PRDM5: variants seen among roughly 807,000 people sequenced by gnomAD.
PRDM5 encodes the protein PR domain zinc finger protein 5.
A neutral mutation model predicts 81.2 loss-of-function variants in PRDM5; 56 were observed. The ratio of observed to expected loss-of-function variants is 0.69; its 90% confidence interval spans 0.56 to 0.86. The LOEUF (loss-of-function observed/expected upper bound fraction) is 0.86. Ranked by LOEUF, PRDM5 falls within the 40% of genes least tolerant of loss-of-function variation. The pLI is 0.00. For synonymous variants in PRDM5, 267 were observed against 256.4 expected, an observed-to-expected ratio of 1.04 and a Z score of -0.39; for missense variants, 697 against 770.1, an observed-to-expected ratio of 0.91 and a Z score of 1.12.
chr4:120,802,870 G>C (rs543465382), intron 8 of PRDM5, among the ~76,000 whole-genome samples: 2 of 152,196 alleles, frequency 1.3e-5, no homozygotes, highest in Non-Finnish European at 2.9e-5. Context: ...TGACTTTGAC[G>C]AGTTGAGAGA....
chr4:120,904,108 T>C (rs1765494814), intron 2 of PRDM5, among the ~76,000 whole-genome samples: 1 of 138,510 alleles, frequency 7.2e-6, no homozygotes, highest in African/African-American at 2.7e-5. Flanking sequence ...GAGAACCTCT[T>C]GAACCCAGGA....
intron 14 of PRDM5, among the ~76,000 whole-genome samples, chr4:120,739,514 T>C (rs1006829402): frequency 6.6e-6 from 1 of 152,178 alleles, no homozygotes; most frequent in Non-Finnish European, 1.5e-5. Context: ...TCACAGCCAA[T>C]GCCTCTAGTC....
At chr4:120,755,331 A>T (rs944589923) in intron 13 of PRDM5, among the ~76,000 whole-genome samples, 10 of 152,226 alleles carry the variant, frequency 6.6e-5, no homozygotes, top group African/African-American at 2.4e-4. Context: ...TCCAAAAGGG[A>T]TCTGAAGATG....
At chr4:120,806,771 T>C (rs552098297) in intron 8 of PRDM5, among the ~76,000 whole-genome samples, 26 of 152,264 alleles carry the variant, frequency 1.7e-4, no homozygotes, top group African/African-American at 6.3e-4. Context: ...GACAATACCA[T>C]TCAGGACATA....
chr4:120,790,735 T>C (rs1258888242), intron 10 of PRDM5, among the ~76,000 whole-genome samples: 1 of 152,092 alleles, frequency 6.6e-6, no homozygotes. Context: ...AAAATGGTAA[T>C]AGGATTTCAA....
chr4:120,801,187 C>T (rs1752071180), intron 8 of PRDM5, among the ~76,000 whole-genome samples: 1 of 152,198 alleles, frequency 6.6e-6, no homozygotes, highest in South Asian at 2.1e-4. Context: ...AGTAAACGCC[C>T]TTGTGCAAGA....
intron 13 of PRDM5, among the ~76,000 whole-genome samples, chr4:120,766,757 T>C (rs1226776551): frequency 2.0e-5 from 3 of 152,214 alleles, no homozygotes; most frequent in Non-Finnish European, 2.9e-5. Context: ...TGCACTTTGC[T>C]TGGCATTATT....
intron 13 of PRDM5, chr4:120,762,568 A>C (rs950052620): frequency 1.3e-5 from 2 of 152,144 alleles, no homozygotes; most frequent in Non-Finnish European, 2.9e-5. Flanking sequence ...GTAATTGTGA[A>C]AGCACCACCC....
downstream of PRDM5, among the ~76,000 whole-genome samples, chr4:120,684,713 A>G (rs1733772973): frequency 6.6e-6 from 1 of 151,960 alleles, no homozygotes; most frequent in African/African-American, 2.4e-5. Flanking sequence ...ATATTTCACT[A>G]CTGTTCTTTT....
Position 120,785,010 on chromosome 4 carries a change from G to A in PRDM5, c.1270C>T (p.Leu424=), listed in dbSNP as rs554694467. The change falls in exon 11 of 16, where the codon CTA becomes TTA. Residue 424 remains leucine (L), a synonymous_variant. Coordinates refer to ENST00000264808, the MANE Select transcript of PRDM5 (RefSeq NM_018699.4). ...AATCGTGACTTACTGTTATGTATTA[G>A]CAGGTGTCTCTGTAAAGAAAATGGG... ...RTPFSLQRHL[L]IHNSERTFKC... 7.5e-6 allele frequency: 12 copies of A among 1,596,950 alleles called. No homozygotes were observed. The East Asian group carries it at 1.3e-4, about 18-fold the overall frequency.
intron 1 of PRDM5, among the ~76,000 whole-genome samples, chr4:120,922,133 C>T (rs1438949572): frequency 6.6e-6 from 1 of 152,220 alleles, no homozygotes; most frequent in Admixed American, 6.5e-5. Context: ...CACCCGCCCA[C>T]GCGTGCCTTC....
intron 1 of PRDM5, among the ~76,000 whole-genome samples, chr4:120,912,026 C>G (rs1388128351): frequency 2.6e-5 from 4 of 152,124 alleles, no homozygotes; most frequent in Non-Finnish European, 4.4e-5. Flanking sequence ...CAGGAGAATG[C>G]TAACTTATAA....
At chr4:120,767,895 T>A (rs1041316989) in intron 13 of PRDM5, among the ~76,000 whole-genome samples, 3 of 151,810 alleles carry the variant, frequency 2.0e-5, no homozygotes, top group South Asian at 2.1e-4. Context: ...TAAAGGGGAG[T>A]TCCCCTGCAC....
intron 14 of PRDM5, among the ~76,000 whole-genome samples, chr4:120,722,736 A>C (rs2149062033): frequency 6.6e-6 from 1 of 152,300 alleles, no homozygotes; most frequent in Non-Finnish European, 1.5e-5. Context: ...AGCTTAGAGC[A>C]TGCGACCTGG....
At chr4:120,704,936 T>C (rs1735898891) in intron 15 of PRDM5, among the ~76,000 whole-genome samples, 1 of 152,142 alleles carries the variant, frequency 6.6e-6, no homozygotes, top group Admixed American at 6.5e-5. Context: ...TAGATGTCAC[T>C]AGAGAAATAA....
chr4:120,697,632 T>C (rs1734678835), intron 15 of PRDM5, among the ~76,000 whole-genome samples: 1 of 6,980 alleles, frequency 1.4e-4, no homozygotes, highest in Non-Finnish European at 5.3e-4. Flanking sequence ...CTGGAGAAGC[T>C]GGGACTACAG....
At chr4:120,791,313 C>T (rs1750539391) in intron 10 of PRDM5, among the ~76,000 whole-genome samples, 1 of 152,156 alleles carries the variant, frequency 6.6e-6, no homozygotes, top group Non-Finnish European at 1.5e-5. Context: ...CTAACATAAA[C>T]ATCCCTGCAA....
At chr4:120,829,409 A>G (rs915071118) in intron 3 of PRDM5, among the ~76,000 whole-genome samples, 2 of 151,998 alleles carry the variant, frequency 1.3e-5, no homozygotes, top group South Asian at 2.1e-4. Flanking sequence ...GTACACCTCA[A>G]CCTTCTCTGA....
At chr4:120,818,874 T>G in intron 4 of PRDM5, among the ~76,000 whole-genome samples, 1 of 152,140 alleles carries the variant, frequency 6.6e-6, no homozygotes, top group Non-Finnish European at 1.5e-5. Context: ...ATTTTTACCT[T>G]CACAAGGAGA....
Sources: gnomAD v4.1 joint callset for allele counts (sites outside exome capture counted in the v4.1 genomes callset) on GRCh38, gnomAD v4.1.1 for gene constraint, MANE v1.5 for transcripts, NCBI Gene and HGNC (gene_info 2026-07-23, HGNC 2026-07-21) for gene names.